GNPDA2: variants seen among roughly 807,000 people sequenced by gnomAD.
GNPDA2 encodes the protein glcN6P deaminase 2.
GNPDA2 carries 24 observed loss-of-function variants against 27.0 expected under a neutral mutation model. That is an observed-to-expected ratio of 0.89 (90% CI 0.64 to 1.25). The LOEUF is 1.25. GNPDA2 is among the 50% of genes most tolerant of loss of function. GNPDA2 has a pLI of 0.00. For synonymous variants in GNPDA2, 94 were observed against 108.4 expected (o/e 0.87, Z 0.83); for missense variants, 286 against 335.1 (o/e 0.85, Z 1.14).
Position 44,702,168 on chromosome 4 carries a change from GCTTT to G in GNPDA2, c.*909_*912del. ...AATTTAGATAACTTATTTATTACAC[GCTTT>G]ATTTGAGTTAAAGATAAAAAACAAT... is the stretch of plus-strand genomic sequence containing the variant. On this transcript the variant is annotated 3_prime_UTR_variant, in exon 7 of 7. Transcript: ENST00000295448. The G allele has an allele frequency of 1.1e-6, 1 of 901,500 alleles. No individual in the cohort carries two copies. The highest frequency in any genetic ancestry group is 1.3e-6 in the Non-Finnish European group (1 of 753,270). The allele number at this position is 901,500 out of a possible 1,614,324, so 55.8% of individuals were successfully genotyped here. A position where few individuals can be genotyped will look rare whatever the true frequency, so the allele number is the denominator to read the frequency against.
At chr4:44,703,320 C>A in intron 6 of GNPDA2, 178 bp from the exon 7 acceptor site, 1 of 1,384,894 alleles carries the variant, frequency 7.2e-7, no homozygotes, top group Non-Finnish European at 9.3e-7. Flanking sequence ...TAAGTTTTAT[C>A]TACCTAGCAA....
At chr4:44,705,149 G>GA in intron 6 of GNPDA2, 1 of 984,774 alleles carries the variant, frequency 1.0e-6, no homozygotes, top group Non-Finnish European at 1.2e-6. Flanking sequence ...GATGACAGAA[G>GA]AAAGGGTAGT....
chr4:44,707,865 CCTT>C lies in GNPDA2; in HGVS notation c.653_655del (p.Glu218del), dbSNP rs778635504. 5.0e-6 allele frequency: 8 copies of C among 1,613,202 alleles called. No individual in the cohort carries two copies. Among genetic ancestry groups the C allele is most frequent in the South Asian group, 2.2e-5 (2 of 91,020 alleles). ...GGAAACAGTCCACATGTGATTGACT[CCTT>C]CTTCTATTGCTTTGTACAGGGCAAA... is the stretch of plus-strand genomic sequence containing the variant. On this transcript the variant is annotated inframe_deletion, in exon 6 of 7. Coordinates refer to ENST00000295448, the MANE Select transcript of GNPDA2 (RefSeq NM_138335.3).
chr4:44,715,107 A>G (rs552013185), intron 4 of GNPDA2, among the ~76,000 whole-genome samples: 1 of 152,292 alleles, frequency 6.6e-6, no homozygotes, highest in East Asian at 1.9e-4. Flanking sequence ...CTGAAGAAAC[A>G]TAACCCCCTC....
intron 4 of GNPDA2, among the ~76,000 whole-genome samples, chr4:44,714,057 G>A (rs1281388398): frequency 3.3e-5 from 5 of 151,782 alleles, no homozygotes; most frequent in Non-Finnish European, 5.9e-5. Flanking sequence ...CCACAACCTC[G>A]GCCTCCCAGG....
At chr4:44,704,696 T>C (rs920529671) in intron 6 of GNPDA2, 10 of 968,256 alleles carry the variant, frequency 1.0e-5, no homozygotes, top group Non-Finnish European at 1.2e-5. Flanking sequence ...ATAATTCTTC[T>C]GATAAAAATG....
Position 44,702,051 on chromosome 4 carries a change from CA to C in GNPDA2, c.*1029del. 3 of 985,670 alleles carry C rather than the reference CA, an allele frequency of 3.0e-6. No individual in the cohort carries two copies. In the South Asian group the frequency reaches 1.4e-4, roughly 46 times the overall value. 61.1% of individuals were successfully genotyped at this position (985,670 alleles called of 1,614,324 possible). ...ATCTTTTAACCTAACTCTCCTAATG[CA>C]TGATGGTAACAAACCCAAAATGAAT... On this transcript the variant is annotated 3_prime_UTR_variant, in exon 7 of 7. Transcript: ENST00000295448.
intron 6 of GNPDA2, chr4:44,706,047 C>T (rs1277353845): frequency 2.0e-5 from 3 of 151,576 alleles, no homozygotes; most frequent in Admixed American, 2.0e-4. Context: ...TTAATGAGGA[C>T]TAGAAAATGG....
chr4:44,722,052 CA>C (rs779062583), intron 2 of GNPDA2, 31 bp downstream of exon 2: 6 of 1,476,194 alleles, frequency 4.1e-6, no homozygotes, highest in Non-Finnish European at 5.6e-6. Context: ...TAGATAATAT[CA>C]GAATATAAAA....
At chr4:44,717,916 G>GA (rs1717411863) in intron 3 of GNPDA2, among the ~76,000 whole-genome samples, 1 of 151,852 alleles carries the variant, frequency 6.6e-6, no homozygotes, top group South Asian at 2.1e-4. Flanking sequence ...CTTTTGATTT[G>GA]AAAAAATACT....
In GNPDA2 at chr4:44,702,807, C is replaced by T. The variant is rs796155869; in HGVS notation, c.*274G>A. 1.0e-5 allele frequency: 13 copies of T among 1,250,580 alleles called. No homozygotes were observed. In the African/African-American group the frequency reaches 1.1e-4, roughly 11 times the overall value. 77.5% of individuals were successfully genotyped at this position (1,250,580 alleles called of 1,614,324 possible). On this transcript the variant is annotated 3_prime_UTR_variant, in exon 7 of 7. Transcript: ENST00000295448. ...TCTACCTTTAAAATGACTTTTTAAA[C>T]AGGCAGACATTTCTATGCTGTTTTA...
At chr4:44,704,944 A>C (rs1716496494) in intron 6 of GNPDA2, 2 of 984,266 alleles carry the variant, frequency 2.0e-6, no homozygotes, top group Admixed American at 1.2e-4. Flanking sequence ...AGAATGAATA[A>C]AACAAATCCC....
intron 1 of GNPDA2, among the ~76,000 whole-genome samples, chr4:44,724,518 C>T (rs1717892154): frequency 1.3e-5 from 2 of 152,140 alleles, no homozygotes; most frequent in Non-Finnish European, 2.9e-5. Context: ...CCCCTTATAA[C>T]ATTTACTGAA....
At chr4:44,724,018 T>C (rs1467993894) in intron 1 of GNPDA2, among the ~76,000 whole-genome samples, 1 of 152,134 alleles carries the variant, frequency 6.6e-6, no homozygotes, top group African/African-American at 2.4e-5. Flanking sequence ...TCCCCTTCCA[T>C]CTGAGAGGTG....
At position 44,707,740 on chromosome 4, in the gene GNPDA2, T is replaced by A. The variant is rs1384404134; in HGVS notation, c.769+12A>T. ...AGATTATCTCAGTCGGCTTTTGAAATTCAGTGCTCACCTTTAAAGTATTTC... is the reference window on the plus strand; with the variant it reads ...AGATTATCTCAGTCGGCTTTTGAAAATCAGTGCTCACCTTTAAAGTATTTC... On this transcript the variant is annotated intron_variant, in intron 6 of 6. Transcript: ENST00000295448. 6.2e-7 allele frequency: 1 copy of A among 1,608,714 alleles called. No individual in the cohort carries two copies.
intron 1 of GNPDA2, among the ~76,000 whole-genome samples, chr4:44,725,791 G>A (rs1444053705): frequency 2.0e-5 from 3 of 152,140 alleles, no homozygotes; most frequent in African/African-American, 7.2e-5. Flanking sequence ...AAAAACAACA[G>A]AGCACCACCC....
At position 44,714,652 on chromosome 4, in the gene GNPDA2, A is replaced by C. The variant is rs184490947; in HGVS notation, c.409+2461T>G. ...GGCACAGTTCTTAGAGTTTTTATTAACCAAACCCTGGAACAAAAGAAGGGT... is the reference window on the plus strand; with the variant it reads ...GGCACAGTTCTTAGAGTTTTTATTACCCAAACCCTGGAACAAAAGAAGGGT... On this transcript the variant is annotated intron_variant, in intron 4 of 6. Transcript: ENST00000295448. 7,230 of 985,022 alleles carry C rather than the reference A, an allele frequency of 7.3e-3. 29 individuals are homozygous for C. Among genetic ancestry groups the C allele is most frequent in the Non-Finnish European group, 8.1e-3 (6,742 of 829,578 alleles). 61.0% of individuals were successfully genotyped at this position (985,022 alleles called of 1,614,324 possible). A position where few individuals can be genotyped will look rare whatever the true frequency, so the allele number is the denominator to read the frequency against.
intron 4 of GNPDA2, among the ~76,000 whole-genome samples, chr4:44,715,209 G>C (rs1288368102): frequency 2.0e-5 from 3 of 152,098 alleles, no homozygotes; most frequent in Non-Finnish European, 2.9e-5. Flanking sequence ...AAGAATTACA[G>C]GCTTAAACAT....
chr4:44,717,638 C>T (rs1717391290), intron 3 of GNPDA2, among the ~76,000 whole-genome samples: 1 of 151,766 alleles, frequency 6.6e-6, no homozygotes, highest in South Asian at 2.1e-4. Flanking sequence ...TTCTCAAACA[C>T]AAAATTTTAA....
Sources: allele counts gnomAD v4.1 joint callset (sites outside exome capture counted in the v4.1 genomes callset), GRCh38; gene constraint gnomAD v4.1.1; transcripts MANE v1.5; gene names NCBI Gene and HGNC (gene_info 2026-07-23, HGNC 2026-07-21).